The following RNPEP variants were observed in gnomAD, a reference collection of about 807,000 sequenced individuals.
RNPEP encodes aminopeptidase B.
A neutral mutation model predicts 70.1 loss-of-function variants in RNPEP; 57 were observed. That is an observed-to-expected ratio of 0.81 (90% CI 0.66 to 1.01). The LOEUF is 1.01. Ranked by LOEUF, RNPEP falls within the 50% of genes least tolerant of loss-of-function variation. The pLI is 0.00. For missense variants in RNPEP, 787 were observed against 852.4 expected, an observed-to-expected ratio of 0.92 and a Z score of 0.96; for synonymous variants, 335 against 357.4, an observed-to-expected ratio of 0.94 and a Z score of 0.71.
chr1:201,992,275 C>A (rs1487352089), intron 3 of RNPEP, among the ~76,000 whole-genome samples: 1 of 152,102 alleles, frequency 6.6e-6, no homozygotes. Context: ...TCAAGAGATC[C>A]TCCCACCTCG....
chr1:201,997,574 C>G lies in RNPEP; in HGVS notation c.1090+20C>G. ...TCTTTGGTAAAGTGCCCACCCCTCT[C>G]CTAAGGAGTCTGCCTCCCATTCTTA... On this transcript the variant is annotated intron_variant, in intron 5 of 10. Coordinates refer to ENST00000295640, the MANE Select transcript of RNPEP (RefSeq NM_020216.4). The G allele has an allele frequency of 6.3e-7, 1 of 1,582,610 alleles. No individual in the cohort carries two copies. Among genetic ancestry groups the G allele is most frequent in the Non-Finnish European group, 8.7e-7 (1 of 1,152,108 alleles).
rs1684036101 is a variant in RNPEP, at chr1:202,005,707, G to T, written c.1944G>T (p.Lys648Asn). 6.2e-7 allele frequency: 1 copy of T among 1,614,110 alleles called. No individual in the cohort carries two copies. Among genetic ancestry groups the T allele is most frequent in the Admixed American group, 1.7e-5 (1 of 60,008 alleles). Reference protein sequence around the residue: ...VNYVQQIVAPKGS With the variant: ...VNYVQQIVAPNGS ...ATGTCCAGCAGATCGTGGCACCCAA[G>T]GGCAGTTAGAGGCTCGTGTGCATGG... Residue 648 changes from lysine (K) to asparagine (N), a missense_variant, in exon 11 of 11, where the codon AAG becomes AAT. Transcript: ENST00000295640.
intron 3 of RNPEP, among the ~76,000 whole-genome samples, chr1:201,994,411 T>A (rs1222758834): frequency 2.0e-5 from 3 of 152,116 alleles, no homozygotes; most frequent in African/African-American, 7.2e-5. Flanking sequence ...CTCTTGGGCA[T>A]CTCATGTCCC....
At chr1:201,996,122 G>C in intron 3 of RNPEP, 25 bp from the exon 4 acceptor site, 1 of 1,587,596 alleles carries the variant, frequency 6.3e-7, no homozygotes, top group Non-Finnish European at 8.6e-7. Context: ...ACACCATTCT[G>C]CTTTCTCTGC....
intron 6 of RNPEP, 94 bp from the exon 7 acceptor site, chr1:202,001,282 T>G: frequency 1.2e-6 from 1 of 855,884 alleles, no homozygotes; most frequent in Non-Finnish European, 1.9e-6. Flanking sequence ...TTCTGATCTC[T>G]TCCATCGCTA....
intron 1 of RNPEP, among the ~76,000 whole-genome samples, chr1:201,987,420 A>G (rs1683168718): frequency 7.0e-6 from 1 of 142,560 alleles, no homozygotes; most frequent in African/African-American, 2.6e-5. Context: ...TAAATCATTC[A>G]GATTTTACTT....
intron 1 of RNPEP, among the ~76,000 whole-genome samples, chr1:201,987,547 C>T (rs1013159017): frequency 7.3e-5 from 11 of 150,306 alleles, no homozygotes; most frequent in African/African-American, 2.4e-4. Context: ...AAGCAATTCT[C>T]CTGCCTCAGC....
At position 202,003,277 on chromosome 1, in the gene RNPEP, C is replaced by T. The variant is rs1358313859; in HGVS notation, c.1467C>T (p.Pro489=). ...FDRWLNTPGW[P]PYLPDLSPGD... ...GATGGCTGAATACCCCCGGCTGGCC[C>T]CCGTACCTCCCTGATCTCTCCCCTG... is the stretch of plus-strand genomic sequence containing the variant. The change falls in exon 9 of 11, where the codon CCC becomes CCT. Residue 489 remains proline (P), a synonymous_variant. Transcript: ENST00000295640. 2 of 1,614,002 alleles carry T rather than the reference C, an allele frequency of 1.2e-6. No homozygotes were observed. Among genetic ancestry groups the T allele is most frequent in the African/African-American group, 1.3e-5 (1 of 75,014 alleles).
intron 1 of RNPEP, among the ~76,000 whole-genome samples, chr1:201,984,849 T>C (rs1158448996): frequency 3.0e-5 from 2 of 67,602 alleles, no homozygotes; most frequent in African/African-American, 5.1e-5. Flanking sequence ...TTTTTTTTTT[T>C]TTTTTTTTGA....
intron 1 of RNPEP, 194 bp downstream of exon 1, chr1:201,983,307 G>T: frequency 7.3e-7 from 1 of 1,365,800 alleles, no homozygotes; most frequent in Non-Finnish European, 9.5e-7. Context: ...CGGGCTGCCT[G>T]GTTTCCTTCT....
rs1683607687 is a variant in RNPEP at position 201,997,570 on chromosome 1, C to T, written c.1090+16C>T. The T allele has an allele frequency of 3.1e-6, 5 of 1,595,220 alleles. No homozygotes were observed. The East Asian group carries it at 1.1e-4, about 36-fold the overall frequency. ...ATCCTCTTTGGTAAAGTGCCCACCC[C>T]TCTCCTAAGGAGTCTGCCTCCCATT... On this transcript the variant is annotated intron_variant, in intron 5 of 10. Coordinates refer to ENST00000295640, the MANE Select transcript of RNPEP (RefSeq NM_020216.4).
At chr1:201,989,608 G>C (rs547970872) in intron 3 of RNPEP, 77 bp downstream of exon 3, 9 of 1,536,202 alleles carry the variant, frequency 5.9e-6, no homozygotes, top group Admixed American at 1.8e-5. Flanking sequence ...GGACCTGCTG[G>C]GGGGGTTCTT....
chr1:202,002,825 CTG>C (rs1405791845), intron 8 of RNPEP, among the ~76,000 whole-genome samples: 4 of 152,160 alleles, frequency 2.6e-5, no homozygotes, highest in African/African-American at 9.7e-5. Flanking sequence ...ATAGATAAAA[CTG>C]AGGTGCAGAG....
rs922112100 is a variant in RNPEP at position 201,982,847 on chromosome 1, G to T, written c.181G>T (p.Gly61Cys). 5 of 1,350,116 alleles carry T rather than the reference G, an allele frequency of 3.7e-6. No individual in the cohort carries two copies. Among genetic ancestry groups the T allele is most frequent in the African/African-American group, 1.5e-5 (1 of 64,814 alleles). 83.6% of individuals were successfully genotyped at this position (1,350,116 alleles called of 1,614,324 possible). Residue 61 changes from glycine (G) to cysteine (C), a missense_variant, in exon 1 of 11, where the codon GGC becomes TGC. Coordinates refer to ENST00000295640, the MANE Select transcript of RNPEP (RefSeq NM_020216.4). ...GPGAGSRGLS[G>C]TAVLDLRCLE... ...CGGCGCAGGGAGCCGGGGGCTGAGC[G>T]GCACCGCGGTCCTGGACCTGCGCTG...
At chr1:202,000,080 C>T (rs1558266525) in intron 6 of RNPEP, 65 bp downstream of exon 6, 15 of 1,189,926 alleles carry the variant, frequency 1.3e-5, no homozygotes, top group Non-Finnish European at 1.7e-5. Flanking sequence ...CAAGTTAATG[C>T]GAACTTCATG....
chr1:202,001,849 A>T (rs564193435), intron 8 of RNPEP, 82 bp downstream of exon 8: 4 of 949,856 alleles, frequency 4.2e-6, no homozygotes, highest in Non-Finnish European at 6.7e-6. Flanking sequence ...ATGGTGGTGG[A>T]TGGGAAAACA....
chr1:202,001,578 G>T (rs1452505364), intron 7 of RNPEP, 81 bp from the exon 8 acceptor site: 6 of 1,430,152 alleles, frequency 4.2e-6, no homozygotes, highest in Non-Finnish European at 5.9e-6. Context: ...GATGTAAGGG[G>T]TTGGAGGAGG....
In RNPEP at chr1:201,989,453, T is replaced by C; in HGVS notation, c.659T>C (p.Phe220Ser). The C allele has an allele frequency of 6.2e-7, 1 of 1,614,154 alleles. No individual in the cohort carries two copies. The highest frequency in any genetic ancestry group is 8.5e-7 in the Non-Finnish European group (1 of 1,180,030). The change falls in exon 3 of 11, where the codon TTC becomes TCC. Residue 220 changes from phenylalanine to serine, a missense_variant. By Grantham distance (155) the Phe-to-Ser change is radical (BLOSUM62 -2). Transcript: ENST00000295640. ...WEKRGPNKFF[F>S]QMCQPIPSYL... ...AAGAGAGGTCCAAATAAGTTCTTCT[T>C]CCAGATGTGTCAGCCCATCCCCTCC...
chr1:201,983,588 T>G, intron 1 of RNPEP: 2 of 1,296,594 alleles, frequency 1.5e-6, no homozygotes, highest in Non-Finnish European at 2.0e-6. Flanking sequence ...GATCTAGCTC[T>G]TTGTTCTGTG....
Sources: gnomAD v4.1 joint callset for allele counts (sites outside exome capture counted in the v4.1 genomes callset) on GRCh38, gnomAD v4.1.1 for gene constraint, MANE v1.5 for transcripts, NCBI Gene and HGNC (gene_info 2026-07-23, HGNC 2026-07-21) for gene names.